GRHL3: variants seen among roughly 807,000 people sequenced by gnomAD.
GRHL3 encodes grainyhead like transcription factor 3.
A neutral mutation model predicts 70.3 loss-of-function variants in GRHL3; 20 were observed. The observed-to-expected ratio is 0.28, with a 90% confidence interval of 0.20 to 0.41. GRHL3 has a LOEUF of 0.41. GRHL3 is among the 10% of genes least tolerant of loss of function. The pLI is 1.00. For missense variants in GRHL3, 637 were observed against 762.3 expected (o/e 0.84, Z 1.94); for synonymous variants, 299 against 299.9 (o/e 1.00, Z 0.03).
At chr1:24,357,923 C>G (rs374905236), downstream of GRHL3, 166 of 325,996 alleles carry the variant, frequency 5.1e-4, no homozygotes, top group African/African-American at 3.3e-3. Flanking sequence ...TCTCCCACTC[C>G]AAAGAGAAAA....
chr1:24,354,533 A>C lies in GRHL3; in HGVS notation c.*45A>C. ...CCCTCACGACCTGCAAGGGGCCAGC[A>C]GGGACGTGGCCCCACGCCACACACA... On this transcript the variant is annotated 3_prime_UTR_variant, in exon 16 of 16. Coordinates refer to ENST00000361548, the MANE Select transcript of GRHL3 (RefSeq NM_198173.3). The C allele has an allele frequency of 7.9e-7, 1 of 1,259,662 alleles. No homozygotes were observed. Among genetic ancestry groups the C allele is most frequent in the Non-Finnish European group, 1.2e-6 (1 of 857,922 alleles). 78.0% of individuals were successfully genotyped at this position (1,259,662 alleles called of 1,614,324 possible). A position where few individuals can be genotyped will look rare whatever the true frequency, so the allele number is the denominator to read the frequency against.
chr1:24,359,689 G>C (rs1553119461), downstream of GRHL3, among the ~76,000 whole-genome samples: 3 of 152,192 alleles, frequency 2.0e-5, no homozygotes, highest in Admixed American at 6.5e-5. This position sits in a 1 kb window ranked among gnomAD's most constrained non-coding sequence, Gnocchi z 5.3. Flanking sequence ...TCACAGAAAG[G>C]CTGGGTGTAA....
chr1:24,344,165 A>C (rs1266249075), intron 11 of GRHL3, among the ~76,000 whole-genome samples: 2 of 152,124 alleles, frequency 1.3e-5, no homozygotes, highest in Non-Finnish European at 2.9e-5. Flanking sequence ...GGGGAAGCCC[A>C]GGGCAATAGC....
chr1:24,320,363 G>A (rs1246717547), intron 1 of GRHL3, among the ~76,000 whole-genome samples: 1 of 152,184 alleles, frequency 6.6e-6, no homozygotes, highest in South Asian at 2.1e-4. Flanking sequence ...GTGCCTTCCT[G>A]CCCACATCTG....
At chr1:24,361,049 A>G in intron 15 of GRHL3, 1 of 1,600,472 alleles carries the variant, frequency 6.2e-7, no homozygotes, top group Non-Finnish European at 8.5e-7. Context: ...TTCCTTTGGG[A>G]AAGATAAAAC....
chr1:24,345,215 C>T (rs1234722216), intron 12 of GRHL3, among the ~76,000 whole-genome samples: 3 of 44,304 alleles, frequency 6.8e-5, no homozygotes, highest in Non-Finnish European at 9.1e-5. Context: ...GTGCCCCCTC[C>T]ACACCTGTGC....
chr1:24,359,753 A>T (rs1640972103), downstream of GRHL3, among the ~76,000 whole-genome samples: 2 of 152,156 alleles, frequency 1.3e-5, no homozygotes. This position sits in a 1 kb window ranked among gnomAD's most constrained non-coding sequence, Gnocchi z 5.3. Context: ...CACCTGCCAC[A>T]CATGTCAGTC....
intron 12 of GRHL3, among the ~76,000 whole-genome samples, chr1:24,345,849 C>T (rs1016859375): frequency 1.3e-5 from 2 of 152,196 alleles, no homozygotes; most frequent in African/African-American, 4.8e-5. Context: ...ATGGAATCTT[C>T]GTAAGTGGGA....
At chr1:24,351,882 C>T (rs1019153824) in intron 15 of GRHL3, among the ~76,000 whole-genome samples, 1 of 152,160 alleles carries the variant, frequency 6.6e-6, no homozygotes, top group Non-Finnish European at 1.5e-5. Flanking sequence ...TCTGTTTGTA[C>T]GTATGGGGAA....
chr1:24,331,168 T>C (rs1639590735), intron 1 of GRHL3, among the ~76,000 whole-genome samples: 1 of 152,204 alleles, frequency 6.6e-6, no homozygotes, highest in Non-Finnish European at 1.5e-5. Flanking sequence ...GTCTTGAAGA[T>C]CAGGATGATG....
chr1:24,327,210 CT>C (rs1346056293), intron 1 of GRHL3, among the ~76,000 whole-genome samples: 2 of 152,218 alleles, frequency 1.3e-5, no homozygotes, highest in Non-Finnish European at 2.9e-5. Context: ...GTAGCCACCC[CT>C]ATTGACTCTC....
downstream of GRHL3, chr1:24,358,042 G>A (rs1640835720): frequency 2.7e-6 from 1 of 364,352 alleles, no homozygotes; most frequent in Non-Finnish European, 5.5e-6. Flanking sequence ...CTTTCGCCCA[G>A]TAGACATACC....
chr1:24,333,897 T>A (rs1639699556), intron 2 of GRHL3, among the ~76,000 whole-genome samples: 1 of 152,034 alleles, frequency 6.6e-6, no homozygotes, highest in African/African-American at 2.4e-5. Context: ...AAAAAGGGAG[T>A]ATTTTTTATT....
intron 1 of GRHL3, chr1:24,323,056 T>A (rs750757841): frequency 6.5e-7 from 1 of 1,549,046 alleles, no homozygotes; most frequent in Non-Finnish European, 8.7e-7. Context: ...TGTGCCAAAC[T>A]GTTAAGAGTG....
chr1:24,356,492 G>C (rs553344192), downstream of GRHL3, among the ~76,000 whole-genome samples: 1 of 152,156 alleles, frequency 6.6e-6, no homozygotes, highest in African/African-American at 2.4e-5. Context: ...ACCCACCTCG[G>C]CCTCCCAAAG....
downstream of GRHL3, among the ~76,000 whole-genome samples, chr1:24,358,903 G>A (rs1640903730): frequency 6.6e-6 from 1 of 152,202 alleles, no homozygotes. Flanking sequence ...AAGAAATTGA[G>A]TAAAGCAATA....
At chr1:24,332,462 C>G (rs1639647866) in intron 2 of GRHL3, among the ~76,000 whole-genome samples, 1 of 152,218 alleles carries the variant, frequency 6.6e-6, no homozygotes, top group African/African-American at 2.4e-5. Flanking sequence ...CACAACCCCC[C>G]TCCCACCTCC....
intron 6 of GRHL3, 34 bp from the exon 7 acceptor site, chr1:24,337,958 G>T (rs752587754): frequency 1.9e-6 from 3 of 1,561,118 alleles, no homozygotes; most frequent in Non-Finnish European, 2.6e-6. Flanking sequence ...TCTAGGAAGA[G>T]GCCGGGAGTG....
chr1:24,352,125 C>T (rs912559231), intron 15 of GRHL3, among the ~76,000 whole-genome samples: 4 of 151,888 alleles, frequency 2.6e-5, no homozygotes, highest in African/African-American at 9.7e-5. Flanking sequence ...CCCCCACGGC[C>T]GTGAAAACAT....
Sources: gnomAD v4.1 joint callset for allele counts (sites outside exome capture counted in the v4.1 genomes callset) on GRCh38, gnomAD v4.1.1 for gene constraint, Gnocchi (gnomAD v3.1) non-coding constraint, MANE v1.5 for transcripts, NCBI Gene and HGNC (gene_info 2026-07-23, HGNC 2026-07-21) for gene names.